Variants in NKAIN2 observed in about 807,000 individuals in gnomAD.
The protein encoded by NKAIN2 is sodium/potassium-transporting ATPase subunit beta-1-interacting protein 2.
NKAIN2 carries 14 observed loss-of-function variants against 32.6 expected under a neutral mutation model. The ratio of observed to expected loss-of-function variants is 0.43; its 90% confidence interval spans 0.28 to 0.67. The LOEUF (loss-of-function observed/expected upper bound fraction) is 0.67. NKAIN2 is among the 30% of genes least tolerant of loss of function. NKAIN2 has a pLI of 0.17. For synonymous variants in NKAIN2, 80 were observed against 87.2 expected, an observed-to-expected ratio of 0.92 and a Z score of 0.46; for missense variants, 198 against 258.3, an observed-to-expected ratio of 0.77 and a Z score of 1.60.
chr6:124,611,340 C>T (rs1179479335), intron 3 of NKAIN2, among the ~76,000 whole-genome samples: 3 of 151,116 alleles, frequency 2.0e-5, no homozygotes, highest in Non-Finnish European at 2.9e-5. Flanking sequence ...AAAAGGTAAA[C>T]GCCATTTTAT....
At chr6:124,150,977 A>T (rs1157312294) in intron 1 of NKAIN2, among the ~76,000 whole-genome samples, 1 of 151,862 alleles carries the variant, frequency 6.6e-6, no homozygotes, top group Non-Finnish European at 1.5e-5. Flanking sequence ...TAAAATCCTT[A>T]TTCTTCTTTG....
chr6:124,124,829 T>C (rs1190212455), intron 1 of NKAIN2, among the ~76,000 whole-genome samples: 1 of 152,184 alleles, frequency 6.6e-6, no homozygotes, highest in Non-Finnish European at 1.5e-5. Context: ...CTGTTCATCA[T>C]TGTGTGCAGT....
chr6:124,009,050 C>T (rs1310354882), intron 1 of NKAIN2, among the ~76,000 whole-genome samples: 1 of 152,130 alleles, frequency 6.6e-6, no homozygotes, highest in Non-Finnish European at 1.5e-5. Context: ...TGAAATAGAT[C>T]ACTGGGCTCT....
intron 1 of NKAIN2, among the ~76,000 whole-genome samples, chr6:124,092,264 C>T (rs1271662281): frequency 6.6e-6 from 1 of 151,856 alleles, no homozygotes; most frequent in Admixed American, 6.6e-5. Context: ...ATTCTAATTG[C>T]CCATATTTTA....
intron 2 of NKAIN2, among the ~76,000 whole-genome samples, chr6:124,353,712 G>A (rs1562508942): frequency 6.6e-6 from 1 of 151,608 alleles, no homozygotes; most frequent in Non-Finnish European, 1.5e-5. Context: ...CCGAGATCGC[G>A]CCACTGCACT....
At chr6:124,808,776 T>A (rs1400195341) in intron 5 of NKAIN2, among the ~76,000 whole-genome samples, 3 of 152,202 alleles carry the variant, frequency 2.0e-5, no homozygotes, top group African/African-American at 7.2e-5. Context: ...ATAAGCAACT[T>A]CAGCAAAGTC....
intron 1 of NKAIN2, among the ~76,000 whole-genome samples, chr6:123,926,489 A>C (rs933199818): frequency 4.6e-5 from 7 of 151,816 alleles, no homozygotes; most frequent in Non-Finnish European, 1.0e-4. Context: ...AGTGTTCCCC[A>C]GATTCCTACT....
rs1381361681 is a variant in NKAIN2, at chr6:123,880,634, G to A, written c.54+76380G>A. The stretch of plus-strand genomic sequence containing the variant: ...TTAAAAGGAACTCTAAAAGATGGAA[G>A]CACAGAATGTATTATTGCCTTTATT... On this transcript the variant is annotated intron_variant, in intron 1 of 6. Transcript: ENST00000368417. Among the ~76,000 whole-genome samples the A allele has an allele frequency of 3.3e-5, 5 of 152,278 alleles. No individual in the cohort carries two copies. In the East Asian group the frequency reaches 9.7e-4, roughly 29 times the overall value.
intron 3 of NKAIN2, among the ~76,000 whole-genome samples, chr6:124,370,036 A>C (rs372432191): frequency 6.6e-6 from 1 of 151,722 alleles, no homozygotes; most frequent in Non-Finnish European, 1.5e-5. Flanking sequence ...AGAGCAAACA[A>C]GTGACTGTTT....
In NKAIN2 at chr6:124,021,196, C is replaced by T. The variant is rs1780847265; in HGVS notation, c.54+216942C>T. Among the ~76,000 whole-genome samples the T allele has an allele frequency of 2.6e-5, 4 of 151,878 alleles. No individual in the cohort carries two copies. The South Asian group carries it at 8.3e-4, about 32-fold the overall frequency. The stretch of plus-strand genomic sequence containing the variant: ...GCATTATGTTATGACTAAACAAGTA[C>T]ACATTTAAAAAGTTTGATTAGTGGG... On this transcript the variant is annotated intron_variant, in intron 1 of 6. Transcript: ENST00000368417.
chr6:123,911,492 G>A (rs1004026914), intron 1 of NKAIN2, among the ~76,000 whole-genome samples: 6 of 151,836 alleles, frequency 4.0e-5, no homozygotes, highest in African/African-American at 1.5e-4. Context: ...CTTGAAAATG[G>A]CACCAAGCCA....
chr6:124,732,734 C>T (rs1776745486), intron 4 of NKAIN2, among the ~76,000 whole-genome samples: 1 of 151,440 alleles, frequency 6.6e-6, no homozygotes, highest in African/African-American at 2.4e-5. Context: ...TAGAGTATAC[C>T]CTCAATTTTT....
rs144788606 is a variant in NKAIN2 at position 124,108,624 on chromosome 6, A to G, written c.55-174381A>G. ...CAATAACTCATTGCCTAGACCAAAT[A>G]TCAAGGAGCTTCCTCCCTATGTTTT... On this transcript the variant is annotated intron_variant, in intron 1 of 6. Transcript: ENST00000368417. Among the ~76,000 whole-genome samples the G allele has an allele frequency of 2.0e-5, 3 of 152,174 alleles. No homozygotes were observed. The East Asian group carries it at 5.8e-4, about 29-fold the overall frequency.
At chr6:124,542,023 T>C (rs1779930717) in intron 3 of NKAIN2, among the ~76,000 whole-genome samples, 1 of 152,152 alleles carries the variant, frequency 6.6e-6, no homozygotes, top group South Asian at 2.1e-4. Context: ...ACTTATCTTC[T>C]GGATGTAAGA....
chr6:124,659,506 T>C (rs1784667032), intron 4 of NKAIN2, among the ~76,000 whole-genome samples: 2 of 151,734 alleles, frequency 1.3e-5, no homozygotes, highest in African/African-American at 4.8e-5. Flanking sequence ...TGCTTATGTG[T>C]GTGTGTGTGT....
chr6:124,092,060 C>A (rs1050818387), intron 1 of NKAIN2, among the ~76,000 whole-genome samples: 1 of 151,972 alleles, frequency 6.6e-6, no homozygotes, highest in African/African-American at 2.4e-5. Flanking sequence ...GTTTAATGTT[C>A]TCCATGTTAG....
At chr6:124,570,495 C>G (rs1781085160) in intron 3 of NKAIN2, among the ~76,000 whole-genome samples, 2 of 152,154 alleles carry the variant, frequency 1.3e-5, no homozygotes, top group Admixed American at 1.3e-4. Context: ...GTCTCATCTG[C>G]TCCAGCCATG....
intron 3 of NKAIN2, among the ~76,000 whole-genome samples, chr6:124,423,794 C>A (rs762180554): frequency 2.7e-4 from 41 of 152,134 alleles, no homozygotes; most frequent in Non-Finnish European, 4.9e-4. Context: ...GCAGCACTCA[C>A]CAGACACTGA....
chr6:124,029,939 A>G (rs1781332641), intron 1 of NKAIN2, among the ~76,000 whole-genome samples: 1 of 152,022 alleles, frequency 6.6e-6, no homozygotes, highest in Admixed American at 6.6e-5. Context: ...ATCTAATGCC[A>G]GGCCAGGTGC....
Sources: gnomAD v4.1 joint callset for allele counts (sites outside exome capture counted in the v4.1 genomes callset) on GRCh38, gnomAD v4.1.1 for gene constraint, MANE v1.5 for transcripts, NCBI Gene and HGNC (gene_info 2026-07-23, HGNC 2026-07-21) for gene names.